Variants in SEMA3A observed in about 807,000 individuals in gnomAD.
The protein encoded by SEMA3A is semaphorin-3A.
In SEMA3A, 29 loss-of-function variants were observed where a neutral mutation model predicts 97.9. The observed-to-expected ratio is 0.30, with a 90% CI of 0.22 to 0.40. SEMA3A has a LOEUF of 0.40. Ranked by LOEUF, SEMA3A falls within the 10% of genes least tolerant of loss-of-function variation. SEMA3A has a pLI of 1.00. For missense variants in SEMA3A, 763 were observed against 951.3 expected (o/e 0.80, Z 2.60); for synonymous variants, 321 against 323.7 (o/e 0.99, Z 0.09).
chr7:84,031,438 A>C (rs1791751431), intron 6 of SEMA3A, among the ~76,000 whole-genome samples: 1 of 152,232 alleles, frequency 6.6e-6, no homozygotes, highest in South Asian at 2.1e-4. Context: ...AGTCAAAGAT[A>C]AACTGATTGA....
chr7:84,030,987 G>GC (rs1791725553), intron 6 of SEMA3A, among the ~76,000 whole-genome samples: 4 of 95,020 alleles, frequency 4.2e-5, no homozygotes, highest in Non-Finnish European at 5.9e-5. Context: ...TTTTGGTCAA[G>GC]TTTTTTTTTT....
intron 1 of SEMA3A, among the ~76,000 whole-genome samples, chr7:84,436,460 A>G (rs912248643): frequency 1.3e-5 from 2 of 152,204 alleles, no homozygotes; most frequent in African/African-American, 2.4e-5. Context: ...TCCACAATCT[A>G]TAAGGAACTT....
chr7:84,109,505 C>A (rs1795215551), intron 4 of SEMA3A, among the ~76,000 whole-genome samples: 2 of 152,124 alleles, frequency 1.3e-5, no homozygotes, highest in African/African-American at 4.8e-5. Context: ...GAAGATATAA[C>A]ACAAACTGTT....
Position 83,961,092 on chromosome 7 carries a change from C to A in SEMA3A, c.*279G>T. 2.6e-6 allele frequency: 1 copy of A among 388,130 alleles called. No individual in the cohort carries two copies. Among genetic ancestry groups the A allele is most frequent in the South Asian group, 3.1e-5 (1 of 31,918 alleles). The allele number at this position is 388,130 out of a possible 1,614,324, so 24.0% of individuals were successfully genotyped here. On this transcript the variant is annotated 3_prime_UTR_variant, in exon 17 of 17. Coordinates refer to ENST00000265362, the MANE Select transcript of SEMA3A (RefSeq NM_006080.3). ...TTATTTCTCAGGCAAAGAAGAAAGA[C>A]AAACCTGTACAGTGAAATCTCATAG...
At chr7:84,026,331 G>A (rs1791542751) in intron 6 of SEMA3A, among the ~76,000 whole-genome samples, 1 of 151,888 alleles carries the variant, frequency 6.6e-6, no homozygotes, top group Non-Finnish European at 1.5e-5. Context: ...CTATTTAACT[G>A]GCAATTACTA....
chr7:84,433,308 T>C (rs1264325599), intron 1 of SEMA3A, among the ~76,000 whole-genome samples: 1 of 151,220 alleles, frequency 6.6e-6, no homozygotes, highest in East Asian at 2.0e-4. Context: ...CTCTCACTTA[T>C]GAGTGAGAAC....
At chr7:84,249,170 C>G (rs947561676) in intron 3 of SEMA3A, among the ~76,000 whole-genome samples, 2 of 152,162 alleles carry the variant, frequency 1.3e-5, no homozygotes, top group Non-Finnish European at 2.9e-5. Context: ...TGGAGATTGC[C>G]CAGAATCTAA....
At chr7:84,174,462 T>C (rs927187154) in intron 1 of SEMA3A, among the ~76,000 whole-genome samples, 2 of 152,224 alleles carry the variant, frequency 1.3e-5, no homozygotes, top group African/African-American at 4.8e-5. Flanking sequence ...TTTAGAAGTT[T>C]CGCTTGAGCT....
chr7:84,359,592 A>G (rs1422072708), intron 2 of SEMA3A, among the ~76,000 whole-genome samples: 1 of 152,060 alleles, frequency 6.6e-6, no homozygotes, highest in Non-Finnish European at 1.5e-5. Flanking sequence ...ATATTGGTCT[A>G]CAATTCTCTT....
At chr7:84,455,036 G>C (rs1243904429) in intron 1 of SEMA3A, among the ~76,000 whole-genome samples, 1 of 151,890 alleles carries the variant, frequency 6.6e-6, no homozygotes, top group Middle Eastern at 3.2e-3. Flanking sequence ...TAGGTCAATA[G>C]TTCTCATTTT....
At chr7:84,470,682 TC>T (rs1345699707) in intron 1 of SEMA3A, among the ~76,000 whole-genome samples, 1 of 151,988 alleles carries the variant, frequency 6.6e-6, no homozygotes, top group Non-Finnish European at 1.5e-5. Context: ...TACACACAAA[TC>T]CCAGAACTCT....
intron 2 of SEMA3A, among the ~76,000 whole-genome samples, chr7:84,370,608 A>T (rs1802950435): frequency 6.6e-6 from 1 of 151,750 alleles, no homozygotes; most frequent in African/African-American, 2.4e-5. Flanking sequence ...TATTGTCTCA[A>T]AGCCATGCCA....
At chr7:84,376,887 G>A (rs994125744) in intron 1 of SEMA3A, among the ~76,000 whole-genome samples, 3 of 151,042 alleles carry the variant, frequency 2.0e-5, no homozygotes, top group African/African-American at 7.3e-5. Flanking sequence ...TGTTGCTCTT[G>A]AGTTGTTTGA....
At chr7:84,038,583 G>A (rs1460943447) in intron 6 of SEMA3A, among the ~76,000 whole-genome samples, 3 of 152,040 alleles carry the variant, frequency 2.0e-5, no homozygotes, top group South Asian at 4.2e-4. Flanking sequence ...TACAGTTGCC[G>A]AAGTCAGACA....
intron 1 of SEMA3A, among the ~76,000 whole-genome samples, chr7:84,135,271 C>T (rs537235772): frequency 4.0e-5 from 6 of 151,830 alleles, no homozygotes; most frequent in South Asian, 2.1e-4. Flanking sequence ...CCACTATGCC[C>T]GGCTAATTTT....
intron 1 of SEMA3A, among the ~76,000 whole-genome samples, chr7:84,177,102 A>G (rs1248850059): frequency 6.6e-6 from 1 of 152,186 alleles, no homozygotes; most frequent in Non-Finnish European, 1.5e-5. Context: ...AATAAAGCTC[A>G]TGCATCTACA....
intron 3 of SEMA3A, among the ~76,000 whole-genome samples, chr7:84,219,954 T>C (rs1284205263): frequency 6.6e-6 from 1 of 152,174 alleles, no homozygotes; most frequent in Non-Finnish European, 1.5e-5. Flanking sequence ...TGTAGCAATT[T>C]CTTAAACTAA....
chr7:83,974,540 A>G (rs1789058531), intron 15 of SEMA3A, among the ~76,000 whole-genome samples: 1 of 152,150 alleles, frequency 6.6e-6, no homozygotes, highest in Non-Finnish European at 1.5e-5. Flanking sequence ...ACATGAGCAC[A>G]TATATTTTAT....
intron 3 of SEMA3A, among the ~76,000 whole-genome samples, chr7:84,216,118 G>C (rs1323940916): frequency 6.6e-6 from 1 of 152,020 alleles, no homozygotes; most frequent in African/African-American, 2.4e-5. Context: ...AGCCAGGTTG[G>C]AGTGCAGTGG....
Sources: gnomAD v4.1 joint callset for allele counts (sites outside exome capture counted in the v4.1 genomes callset) on GRCh38, gnomAD v4.1.1 for gene constraint, MANE v1.5 for transcripts, NCBI Gene and HGNC (gene_info 2026-07-23, HGNC 2026-07-21) for gene names.